AUH: variants seen among roughly 807,000 people sequenced by gnomAD.
AUH encodes AU RNA binding methylglutaconyl-CoA hydratase.
Under a neutral mutation model 42.3 loss-of-function variants are expected in AUH, and 29 were observed. That is an observed-to-expected ratio of 0.69 (90% CI 0.51 to 0.93). The LOEUF (loss-of-function observed/expected upper bound fraction) is 0.93. Ranked by LOEUF, AUH falls within the 40% of genes least tolerant of loss-of-function variation. The pLI, the probability that AUH is intolerant of heterozygous loss-of-function variation, is 0.00. For synonymous variants in AUH, 174 were observed against 166.4 expected (o/e 1.05, Z -0.35); for missense variants, 452 against 438.1 (o/e 1.03, Z -0.28).
chr9:91,325,351 CA>C lies in AUH; in HGVS notation c.471del (p.Phe157LeufsTer5). 6.2e-7 allele frequency: 1 copy of C among 1,613,842 alleles called. No individual in the cohort carries two copies. Among genetic ancestry groups the C allele is most frequent in the Non-Finnish European group, 8.5e-7 (1 of 1,179,866 alleles). ...TTAATCACTGCTCTTATTTTGGAGACAAAAGGACCAACTTCACTGGAACTCA... is the reference window on the plus strand; with the variant it reads ...TTAATCACTGCTCTTATTTTGGAGACAAAGGACCAACTTCACTGGAACTCA... ...AKMSSSEVGP[F>X]VSKIRAVIND... On this transcript the variant is annotated frameshift_variant, in exon 4 of 10. Transcript: ENST00000375731. LOFTEE classifies it high-confidence loss of function.
intron 6 of AUH, among the ~76,000 whole-genome samples, chr9:91,230,634 T>G (rs966902666): frequency 6.6e-6 from 1 of 152,294 alleles, no homozygotes; most frequent in Admixed American, 6.5e-5. Flanking sequence ...GGCACTCTGA[T>G]TTTTAGAGTT....
chr9:91,314,132 A>G (rs901305227), intron 4 of AUH, among the ~76,000 whole-genome samples: 2 of 152,084 alleles, frequency 1.3e-5, no homozygotes, highest in Non-Finnish European at 2.9e-5. Context: ...CCATAAACGC[A>G]TTTTGTTAGA....
At chr9:91,283,490 G>A (rs968212342) in intron 6 of AUH, among the ~76,000 whole-genome samples, 43 of 151,338 alleles carry the variant, frequency 2.8e-4, no homozygotes, top group Admixed American at 6.6e-4. Context: ...AGAAATAAAC[G>A]GTATTCAATT....
At chr9:91,218,016 T>C (rs1453063060) in intron 7 of AUH, among the ~76,000 whole-genome samples, 12 of 152,192 alleles carry the variant, frequency 7.9e-5, no homozygotes, top group Admixed American at 7.2e-4. Context: ...AATTTCATTA[T>C]TGGATCACAT....
At chr9:91,306,349 TTC>T in intron 4 of AUH, 1 of 985,294 alleles carries the variant, frequency 1.0e-6, no homozygotes, top group South Asian at 4.7e-5. Context: ...GAGTGATGAC[TTC>T]TGTTGATTGC....
chr9:91,313,454 C>T (rs1259918207), intron 4 of AUH, among the ~76,000 whole-genome samples: 2 of 151,918 alleles, frequency 1.3e-5, no homozygotes, highest in African/African-American at 2.4e-5. Flanking sequence ...GCCTGTAATC[C>T]CAGCACTTTG....
intron 6 of AUH, among the ~76,000 whole-genome samples, chr9:91,266,842 T>C (rs1830003082): frequency 6.6e-6 from 1 of 152,202 alleles, no homozygotes; most frequent in Admixed American, 6.5e-5. Flanking sequence ...GTATGTATAG[T>C]TGAACATAAA....
At chr9:91,251,182 G>A (rs1321152011) in intron 6 of AUH, among the ~76,000 whole-genome samples, 1 of 152,174 alleles carries the variant, frequency 6.6e-6, no homozygotes, top group Non-Finnish European at 1.5e-5. Flanking sequence ...CATTCCGGGA[G>A]GTCGCCATGT....
At chr9:91,224,791 G>C (rs1291227456) in intron 6 of AUH, among the ~76,000 whole-genome samples, 1 of 152,110 alleles carries the variant, frequency 6.6e-6, no homozygotes, top group East Asian at 1.9e-4. Context: ...CTGATGGCCT[G>C]AATTATATAT....
chr9:91,355,924 G>A lies in AUH; in HGVS notation c.377C>T (p.Thr126Ile). The change falls in exon 3 of 10, where the codon ACC becomes ATC. Residue 126 changes from threonine to isoleucine, a missense_variant. By Grantham distance (89) the Thr-to-Ile change is moderately conservative. Coordinates refer to ENST00000375731, the MANE Select transcript of AUH (RefSeq NM_001698.3). ...TGGGACTTCACTCCTGATTATTATG[G>A]TCCGTACTTTCTTATCAGATTTCAA... ...DALKSDKKVRTIIIRSEVPGI... is the reference protein window; with the variant it reads ...DALKSDKKVRIIIIRSEVPGI... 6.2e-7 allele frequency: 1 copy of A among 1,613,158 alleles called. No individual in the cohort carries two copies. Among genetic ancestry groups the A allele is most frequent in the Non-Finnish European group, 8.5e-7 (1 of 1,179,492 alleles).
rs560247611 is a variant in AUH at position 91,361,862 on chromosome 9, C to T, written c.28G>A (p.Gly10Arg). The change falls in exon 1 of 10, where the codon GGG becomes AGG. Residue 10 changes from glycine (G) to arginine (R), a missense_variant. Coordinates refer to ENST00000375731, the MANE Select transcript of AUH (RefSeq NM_001698.3). Reference sequence around the variant, plus strand: ...CCAGCATGCAGGGATCCCAAGGCCCCAGGTGCCGCCGCCACCGCGGCCGCC... The same window carrying T: ...CCAGCATGCAGGGATCCCAAGGCCCTAGGTGCCGCCGCCACCGCGGCCGCC... MAAAVAAAP[G>R]ALGSLHAGGA... is the part of the protein sequence containing the mutation. The T allele has an allele frequency of 3.4e-6, 5 of 1,475,620 alleles. No individual in the cohort carries two copies. The South Asian group carries it at 6.5e-5, about 19-fold the overall frequency. 91.4% of individuals were successfully genotyped at this position (1,475,620 alleles called of 1,614,324 possible). A position where few individuals can be genotyped will look rare whatever the true frequency, so the allele number is the denominator to read the frequency against.
At chr9:91,230,287 G>A (rs1017187218) in intron 6 of AUH, among the ~76,000 whole-genome samples, 6 of 151,844 alleles carry the variant, frequency 4.0e-5, no homozygotes, top group Non-Finnish European at 8.8e-5. Context: ...TTTCCTTCTC[G>A]CTTCATTTCA....
At chr9:91,347,896 C>T (rs75507443) in intron 3 of AUH, among the ~76,000 whole-genome samples, 2 of 151,584 alleles carry the variant, frequency 1.3e-5, no homozygotes, top group Admixed American at 1.3e-4. Flanking sequence ...TGCACACGTA[C>T]CCTAGAACTT....
At chr9:91,241,828 T>C (rs1828537106) in intron 6 of AUH, among the ~76,000 whole-genome samples, 1 of 152,206 alleles carries the variant, frequency 6.6e-6, no homozygotes, top group South Asian at 2.1e-4. Context: ...AAATCAACTA[T>C]GTAATATTTC....
intron 4 of AUH, among the ~76,000 whole-genome samples, chr9:91,321,615 C>T (rs1829579567): frequency 6.6e-6 from 1 of 151,954 alleles, no homozygotes; most frequent in African/African-American, 2.4e-5. Context: ...GGAATTAACT[C>T]CAAACAACAG....
At chr9:91,358,467 T>C (rs12552364) in intron 1 of AUH, among the ~76,000 whole-genome samples, 19,523 of 152,210 alleles carry the variant, frequency 0.13, 1,699 homozygotes, top group East Asian at 0.31. Context: ...TCTTACTCTA[T>C]TAAGAATTCG....
chr9:91,274,703 C>G (rs778833902), intron 6 of AUH, among the ~76,000 whole-genome samples: 8 of 152,052 alleles, frequency 5.3e-5, no homozygotes, highest in Non-Finnish European at 8.8e-5. Flanking sequence ...TTAACAACAA[C>G]AAGATGAAAG....
chr9:91,232,953 A>G (rs1469798133), intron 6 of AUH, among the ~76,000 whole-genome samples: 2 of 152,244 alleles, frequency 1.3e-5, no homozygotes, highest in African/African-American at 4.8e-5. Context: ...CATGCTGTCT[A>G]CTTGTTGTTT....
At chr9:91,222,253 C>T (rs1008852728) in intron 6 of AUH, among the ~76,000 whole-genome samples, 10 of 151,984 alleles carry the variant, frequency 6.6e-5, no homozygotes, top group African/African-American at 2.2e-4. Context: ...AAATTAAAGA[C>T]CACAAGAAGG....
Sources: allele counts gnomAD v4.1 joint callset (sites outside exome capture counted in the v4.1 genomes callset), GRCh38; gene constraint gnomAD v4.1.1; transcripts MANE v1.5; gene names NCBI Gene and HGNC (gene_info 2026-07-23, HGNC 2026-07-21).